DSCAM: variants seen among roughly 807,000 people sequenced by gnomAD.
DSCAM encodes cell adhesion molecule DSCAM.
In DSCAM, 47 loss-of-function variants were observed where a neutral mutation model predicts 217.7. That is an observed-to-expected ratio of 0.22 (90% CI 0.17 to 0.28). DSCAM has a LOEUF of 0.28. Among genes scored for constraint, DSCAM ranks in the 10% least tolerant of loss-of-function variants. The pLI is 1.00. For missense variants in DSCAM, 2,080 were observed against 2,618.3 expected, an observed-to-expected ratio of 0.79 and a Z score of 4.49; for synonymous variants, 1,056 against 1,015.3, an observed-to-expected ratio of 1.04 and a Z score of -0.76.
chr21:40,181,842 G>A (rs41359644), intron 14 of DSCAM, among the ~76,000 whole-genome samples: 71,624 of 151,756 alleles, frequency 0.47, 18,610 homozygotes, highest in African/African-American at 0.71. Flanking sequence ...GTATAGGCTC[G>A]GAGTTGCAGC....
intron 3 of DSCAM, among the ~76,000 whole-genome samples, chr21:40,478,693 C>G (rs963248589): frequency 2.6e-5 from 4 of 152,294 alleles, no homozygotes; most frequent in Admixed American, 6.5e-5. Context: ...ACTACCACAA[C>G]TACAACTAAT....
At chr21:40,076,547 G>A (rs1043027026) in intron 26 of DSCAM, among the ~76,000 whole-genome samples, 1 of 152,168 alleles carries the variant, frequency 6.6e-6, no homozygotes, top group Non-Finnish European at 1.5e-5. Context: ...ATATTTCTTA[G>A]TGTAATAAAG....
At chr21:40,413,481 G>T (rs1454928029) in intron 3 of DSCAM, among the ~76,000 whole-genome samples, 1 of 152,198 alleles carries the variant, frequency 6.6e-6, no homozygotes, top group Non-Finnish European at 1.5e-5. Flanking sequence ...GGAGCTTTAA[G>T]ATTTGACTGC....
intron 1 of DSCAM, among the ~76,000 whole-genome samples, chr21:40,799,688 G>C (rs1213847597): frequency 1.3e-5 from 2 of 152,158 alleles, no homozygotes; most frequent in Non-Finnish European, 1.5e-5. Context: ...GCTTATGAGA[G>C]ACACATCATT....
At chr21:40,666,619 T>C (rs1243208063) in intron 3 of DSCAM, among the ~76,000 whole-genome samples, 2 of 152,210 alleles carry the variant, frequency 1.3e-5, no homozygotes, top group African/African-American at 2.4e-5. Context: ...TTTATAAGTA[T>C]GGTAAAGCCC....
rs146216161 is a variant in DSCAM, at chr21:40,060,437, A to G, written c.4919+2432T>C. 1.7e-3 allele frequency among the ~76,000 whole-genome samples: 265 copies of G among 152,318 alleles called. 1 individual carries two copies. Among genetic ancestry groups the G allele is most frequent in the Middle Eastern group, 0.01 (3 of 294 alleles). On this transcript the variant is annotated intron_variant, in intron 28 of 32. Coordinates refer to ENST00000400454, the MANE Select transcript of DSCAM (RefSeq NM_001389.5). The stretch of plus-strand genomic sequence containing the variant: ...AGTTTCACAGCCTCTGGACAAAGGC[A>G]TGATTTACAGTTTGGGAGTAGATAG...
chr21:40,559,786 CTTTTTTTTT>C (rs548599799), intron 3 of DSCAM, among the ~76,000 whole-genome samples: 4 of 109,410 alleles, frequency 3.7e-5, no homozygotes, highest in Non-Finnish European at 5.5e-5. Flanking sequence ...AATTTTCTGT[CTTTTTTTTT>C]TTTTTTTTTT....
chr21:40,024,302 G>A (rs2146429758), intron 32 of DSCAM, among the ~76,000 whole-genome samples: 1 of 92,114 alleles, frequency 1.1e-5, no homozygotes, highest in Non-Finnish European at 2.4e-5. Context: ...GTCAGGTAGT[G>A]TGATGCCTCC....
At chr21:40,460,778 G>A (rs2075799697) in intron 3 of DSCAM, among the ~76,000 whole-genome samples, 1 of 152,098 alleles carries the variant, frequency 6.6e-6, no homozygotes, top group Non-Finnish European at 1.5e-5. Flanking sequence ...CTGTCAGAAC[G>A]GCAGAAATAA....
intron 3 of DSCAM, among the ~76,000 whole-genome samples, chr21:40,474,384 A>AC (rs1469755811): frequency 6.6e-6 from 1 of 151,970 alleles, no homozygotes; most frequent in Non-Finnish European, 1.5e-5. Context: ...TGGTCCAAGC[A>AC]CCCCTTGGCA....
intron 3 of DSCAM, among the ~76,000 whole-genome samples, chr21:40,546,116 G>A (rs535811898): frequency 6.6e-4 from 100 of 152,340 alleles, no homozygotes; most frequent in African/African-American, 2.1e-3. Context: ...GAAACTCAGC[G>A]GGTACATTCT....
intron 20 of DSCAM, among the ~76,000 whole-genome samples, chr21:40,117,300 T>G (rs551460227): frequency 6.6e-6 from 1 of 152,258 alleles, no homozygotes; most frequent in South Asian, 2.1e-4. Context: ...TCTATGCCCA[T>G]GTCTAACAAT....
At chr21:40,155,625 C>T (rs940567614) in intron 16 of DSCAM, among the ~76,000 whole-genome samples, 4 of 152,070 alleles carry the variant, frequency 2.6e-5, no homozygotes, top group African/African-American at 9.7e-5. Flanking sequence ...ATGAAAAATG[C>T]TCGGAAGTAG....
At chr21:40,401,827 G>A (rs1008811086) in intron 3 of DSCAM, among the ~76,000 whole-genome samples, 3 of 152,036 alleles carry the variant, frequency 2.0e-5, no homozygotes, top group Admixed American at 2.0e-4. Flanking sequence ...CCCTCTGGAG[G>A]CTGCTGACCT....
intron 24 of DSCAM, among the ~76,000 whole-genome samples, chr21:40,081,517 C>T (rs1184548515): frequency 6.6e-6 from 1 of 152,064 alleles, no homozygotes; most frequent in Admixed American, 6.5e-5. Context: ...CTTCCTGAGC[C>T]TTTGTGTTCC....
At chr21:40,295,370 A>G (rs978100717) in intron 10 of DSCAM, among the ~76,000 whole-genome samples, 5 of 152,184 alleles carry the variant, frequency 3.3e-5, no homozygotes, top group African/African-American at 1.2e-4. Context: ...GTTTTTCCAA[A>G]GTCTAACATG....
intron 3 of DSCAM, among the ~76,000 whole-genome samples, chr21:40,598,503 T>G (rs926968287): frequency 9.7e-5 from 13 of 133,906 alleles, no homozygotes; most frequent in Non-Finnish European, 1.8e-4. Flanking sequence ...AACTGTTTTT[T>G]TTTTTTTTTT....
chr21:40,187,806 G>T, intron 13 of DSCAM, 85 bp downstream of exon 13: 1 of 1,184,698 alleles, frequency 8.4e-7, no homozygotes, highest in South Asian at 1.2e-5. Flanking sequence ...ATGGCAAGTT[G>T]AGGACACAGA....
chr21:40,485,530 C>G (rs1228954722), intron 3 of DSCAM, among the ~76,000 whole-genome samples: 1 of 152,050 alleles, frequency 6.6e-6, no homozygotes, highest in Non-Finnish European at 1.5e-5. Flanking sequence ...GCGTGAGCCA[C>G]CGCGCCCGGC....
Sources: gnomAD v4.1 joint callset for allele counts (sites outside exome capture counted in the v4.1 genomes callset) on GRCh38, gnomAD v4.1.1 for gene constraint, MANE v1.5 for transcripts, NCBI Gene and HGNC (gene_info 2026-07-23, HGNC 2026-07-21) for gene names.